Variants in CDH4 observed in about 807,000 individuals in gnomAD.
CDH4 encodes the protein cadherin 4.
In CDH4, 33 loss-of-function variants were observed where a neutral mutation model predicts 86.0. The ratio of observed to expected loss-of-function variants is 0.38; its 90% confidence interval spans 0.29 to 0.51. The LOEUF is 0.51. Among genes scored for constraint, CDH4 ranks in the 20% least tolerant of loss-of-function variants. The pLI is 0.86. For missense variants in CDH4, 1,114 were observed against 1,307.4 expected, an observed-to-expected ratio of 0.85 and a Z score of 2.28; for synonymous variants, 555 against 549.4, an observed-to-expected ratio of 1.01 and a Z score of -0.14.
At chr20:61,641,106 C>A (rs753513192) in intron 2 of CDH4, among the ~76,000 whole-genome samples, 1 of 152,110 alleles carries the variant, frequency 6.6e-6, no homozygotes, top group South Asian at 2.1e-4. Flanking sequence ...CAGCTGCAGG[C>A]GCTGGGCAGG....
chr20:61,324,414 A>T (rs572688998), intron 2 of CDH4, among the ~76,000 whole-genome samples: 6 of 152,292 alleles, frequency 3.9e-5, no homozygotes, highest in African/African-American at 1.2e-4. Context: ...TCAGAGAGCC[A>T]TGCTCCCTCC....
At chr20:61,383,705 T>G (rs1186711186) in intron 2 of CDH4, among the ~76,000 whole-genome samples, 1 of 118,786 alleles carries the variant, frequency 8.4e-6, no homozygotes, top group Admixed American at 8.9e-5. Flanking sequence ...TATATATGAA[T>G]GTATATGATA....
rs1324189348 is a variant in CDH4 at position 61,709,552 on chromosome 20, AG to A, written c.170-34009del. Among the ~76,000 whole-genome samples, 6 of 151,626 alleles carry A rather than the reference AG, an allele frequency of 4.0e-5. No individual in the cohort carries two copies. Among genetic ancestry groups the A allele is most frequent in the African/African-American group, 1.5e-4 (6 of 41,270 alleles). On this transcript the variant is annotated intron_variant, in intron 2 of 15. Transcript: ENST00000614565. The surrounding 1 kb of genome is among the most constrained non-coding windows in gnomAD (Gnocchi z 4.8). ...TAGCCTCCCAAAATGCTGGGATTAC[AG>A]GCATGAGCCACTGTGCCTGGCAATT... is the stretch of plus-strand genomic sequence containing the variant.
intron 2 of CDH4, among the ~76,000 whole-genome samples, chr20:61,255,189 A>AC (rs2084092104): frequency 6.6e-6 from 1 of 152,230 alleles, no homozygotes; most frequent in Non-Finnish European, 1.5e-5. Flanking sequence ...ATGTAACATC[A>AC]CCCAAATAGT....
At chr20:61,402,666 C>T (rs1340016730) in intron 2 of CDH4, among the ~76,000 whole-genome samples, 1 of 152,188 alleles carries the variant, frequency 6.6e-6, no homozygotes, top group Non-Finnish European at 1.5e-5. Context: ...GCTGGGATTA[C>T]AGGCATGAGC....
chr20:61,336,868 A>G (rs1355701471), intron 2 of CDH4, among the ~76,000 whole-genome samples: 1 of 152,134 alleles, frequency 6.6e-6, no homozygotes, highest in East Asian at 1.9e-4. Flanking sequence ...ATACCTGCCC[A>G]GTAGAAGCAC....
At chr20:61,438,838 T>C (rs552860715) in intron 2 of CDH4, among the ~76,000 whole-genome samples, 15 of 151,868 alleles carry the variant, frequency 9.9e-5, no homozygotes, top group Admixed American at 3.9e-4. Context: ...TGTTATTAAA[T>C]CAATAAGATT....
intron 2 of CDH4, among the ~76,000 whole-genome samples, chr20:61,618,254 A>G (rs2086741916): frequency 6.6e-6 from 1 of 151,926 alleles, no homozygotes; most frequent in Admixed American, 6.6e-5. Flanking sequence ...TCAGGAAAGC[A>G]TCCTGGGTAA....
chr20:61,853,160 G>T (rs1387090361), intron 6 of CDH4, among the ~76,000 whole-genome samples: 1 of 152,154 alleles, frequency 6.6e-6, no homozygotes. Flanking sequence ...CCGGGCACTG[G>T]GAGTCCTGGG....
chr20:61,284,131 C>T (rs1474212694), intron 2 of CDH4, among the ~76,000 whole-genome samples: 1 of 147,474 alleles, frequency 6.8e-6, no homozygotes, highest in Non-Finnish European at 1.5e-5. Context: ...CGGTGAAAAC[C>T]CATCTCTACT....
intron 3 of CDH4, among the ~76,000 whole-genome samples, chr20:61,772,722 A>G (rs1470524007): frequency 4.6e-5 from 7 of 152,096 alleles, no homozygotes; most frequent in African/African-American, 1.7e-4. Flanking sequence ...TATTGGTGAC[A>G]TTGTCCACTA....
chr20:61,851,990 C>T (rs376427651), intron 5 of CDH4, among the ~76,000 whole-genome samples: 13 of 152,348 alleles, frequency 8.5e-5, no homozygotes, highest in African/African-American at 3.1e-4. Context: ...AGAACAAATC[C>T]AGAACTTAAG....
intron 2 of CDH4, among the ~76,000 whole-genome samples, chr20:61,670,555 A>G (rs544509178): frequency 1.3e-5 from 2 of 152,326 alleles, no homozygotes; most frequent in Admixed American, 1.3e-4. Context: ...TGGAGGTACC[A>G]TTGCCAAAAG....
intron 2 of CDH4, among the ~76,000 whole-genome samples, chr20:61,667,527 C>CA (rs2087340258): frequency 6.6e-6 from 1 of 152,242 alleles, no homozygotes; most frequent in Non-Finnish European, 1.5e-5. Flanking sequence ...CAGATGCTGG[C>CA]ATAATGCGCC....
In CDH4 at chr20:61,923,639, C is replaced by G. The variant is rs752355399; in HGVS notation, c.1563C>G (p.Pro521=). 1.2e-6 allele frequency: 2 copies of G among 1,614,100 alleles called. No individual in the cohort carries two copies. Among genetic ancestry groups the G allele is most frequent in the Admixed American group, 1.7e-5 (1 of 60,024 alleles). The change falls in exon 10 of 16, where the codon CCC becomes CCG. Residue 521 remains proline, a synonymous_variant. Transcript: ENST00000614565. ...HKLIRLEEGV[P]PGTVLTTFSA... is the part of the protein sequence containing the mutation. The stretch of plus-strand genomic sequence containing the variant: ...TGATCCGCCTGGAGGAGGGCGTGCC[C>G]CCCGGCACCGTGCTGACCACGTTTT...
rs540388922 is a variant in CDH4, at chr20:61,926,614, TG to T, written c.1772-1575del. ...CGGGCCAGGCCCCGTGGCTCACACC[TG>T]TAATCCCAACACTTTGGGAGGCCGA... On this transcript the variant is annotated intron_variant, in intron 11 of 15. Coordinates refer to ENST00000614565, the MANE Select transcript of CDH4 (RefSeq NM_001794.5). Among the ~76,000 whole-genome samples the T allele has an allele frequency of 2.0e-5, 3 of 152,334 alleles. No homozygotes were observed. The South Asian group carries it at 6.2e-4, about 32-fold the overall frequency.
chr20:61,652,332 C>T (rs1267317738), intron 2 of CDH4, among the ~76,000 whole-genome samples: 10 of 129,328 alleles, frequency 7.7e-5, no homozygotes, highest in Non-Finnish European at 1.5e-4. Flanking sequence ...GCAGTGGGAC[C>T]GTACCCTACA....
chr20:61,380,849 G>A (rs2084896779), intron 2 of CDH4, among the ~76,000 whole-genome samples: 1 of 152,188 alleles, frequency 6.6e-6, no homozygotes, highest in Non-Finnish European at 1.5e-5. Flanking sequence ...GTGTTCTGTT[G>A]CATCCGAAGT....
chr20:61,693,884 CTTTTTTTTTTT>C (rs11479778), intron 2 of CDH4, among the ~76,000 whole-genome samples: 1 of 82,700 alleles, frequency 1.2e-5, no homozygotes, highest in Non-Finnish European at 2.2e-5. Flanking sequence ...CTCTTTCTTT[CTTTTTTTTTTT>C]TTTTTTTTTT....
Sources: allele counts gnomAD v4.1 joint callset (sites outside exome capture counted in the v4.1 genomes callset), GRCh38; gene constraint gnomAD v4.1.1; non-coding constraint Gnocchi (gnomAD v3.1); transcripts MANE v1.5; gene names NCBI Gene and HGNC (gene_info 2026-07-23, HGNC 2026-07-21).